ZSCAN25: variants seen among roughly 807,000 people sequenced by gnomAD.
ZSCAN25 encodes zinc finger and SCAN domain-containing protein 25.
In ZSCAN25, 27 loss-of-function variants were observed where a neutral mutation model predicts 38.7. The ratio of observed to expected loss-of-function variants is 0.70; its 90% CI spans 0.51 to 0.96. The LOEUF (loss-of-function observed/expected upper bound fraction) is 0.96. Among genes scored for constraint, ZSCAN25 ranks in the 40% least tolerant of loss-of-function variants. The pLI is 0.00. For synonymous variants in ZSCAN25, 273 were observed against 277.7 expected (o/e 0.98, Z 0.17); for missense variants, 637 against 705.9 (o/e 0.90, Z 1.11).
At chr7:99,681,215 C>G in the ZSCAN25 span, among the ~76,000 whole-genome samples, 1 of 152,180 alleles carries the variant, frequency 6.6e-6, no homozygotes, top group East Asian at 1.9e-4. Flanking sequence ...TTGATGGACA[C>G]TTAGGTTGCT....
chr7:99,640,374 T>G, the ZSCAN25 span, among the ~76,000 whole-genome samples: 1 of 152,146 alleles, frequency 6.6e-6, no homozygotes, highest in Non-Finnish European at 1.5e-5. Flanking sequence ...GTCAGGCTGG[T>G]CTTGAACTCC....
chr7:99,621,833 A>C (rs986418800), intron 5 of ZSCAN25: 4 of 338,716 alleles, frequency 1.2e-5, no homozygotes, highest in African/African-American at 6.3e-5. Flanking sequence ...TCCCTTCTAG[A>C]AACTACCAAG....
chr7:99,622,339 G>A, intron 5 of ZSCAN25: 1 of 599,660 alleles, frequency 1.7e-6, no homozygotes, highest in Non-Finnish European at 3.0e-6. Flanking sequence ...GCTGAGAACA[G>A]GAGACACCCA....
At chr7:99,676,113 A>G in the ZSCAN25 span, 2 of 1,613,166 alleles carry the variant, frequency 1.2e-6, no homozygotes, top group South Asian at 2.2e-5. Context: ...CAAGCAACTC[A>G]CCTGACGATA....
the ZSCAN25 span, among the ~76,000 whole-genome samples, chr7:99,723,559 C>T: frequency 6.6e-6 from 1 of 152,176 alleles, no homozygotes; most frequent in African/African-American, 2.4e-5. Flanking sequence ...GGTCTCTTCA[C>T]ATGGACGCAA....
At chr7:99,660,670 A>C in the ZSCAN25 span, 1 of 1,613,332 alleles carries the variant, frequency 6.2e-7, no homozygotes, top group Non-Finnish European at 8.5e-7. Flanking sequence ...CTGAAAGGAG[A>C]GGAAAGACAT....
the ZSCAN25 span, chr7:99,648,415 C>G: frequency 6.5e-7 from 1 of 1,529,716 alleles, no homozygotes; most frequent in South Asian, 1.1e-5. Flanking sequence ...AATAGTTAAA[C>G]AAGCATATGG....
chr7:99,654,507 G>T, the ZSCAN25 span, among the ~76,000 whole-genome samples: 3 of 152,210 alleles, frequency 2.0e-5, no homozygotes, highest in South Asian at 6.2e-4. Flanking sequence ...TTGGTTCCAA[G>T]TCTTTGCTAT....
the ZSCAN25 span, among the ~76,000 whole-genome samples, chr7:99,713,229 T>A: frequency 6.6e-6 from 1 of 152,208 alleles, no homozygotes; most frequent in Non-Finnish European, 1.5e-5. Context: ...ATCCACAGAC[T>A]GCTGACTCTT....
Position 99,632,219 on chromosome 7 carries a change from A to AG in ZSCAN25, c.*2200dup, listed in dbSNP as rs1215807243. ...GGACAGTGTCTCAGAAAAGCCTCTA[A>AG]GTAGGGGGTTTTTCCCATGGGATTG... On this transcript the variant is annotated 3_prime_UTR_variant, in exon 8 of 8. Transcript: ENST00000394152. 7.1e-6 allele frequency: 7 copies of AG among 985,236 alleles called. No homozygotes were observed. In the African/African-American group the frequency reaches 1.2e-4, roughly 17 times the overall value. The allele number at this position is 985,236 out of a possible 1,614,324, so 61.0% of individuals were successfully genotyped here. A position where few individuals can be genotyped will look rare whatever the true frequency, so the allele number is the denominator to read the frequency against.
rs779166973 is a variant in ZSCAN25, at chr7:99,621,591, T to C, written c.589+17T>C. 7.2e-6 allele frequency: 10 copies of C among 1,385,012 alleles called. No homozygotes were observed. In the South Asian group the frequency reaches 1.4e-4, roughly 20 times the overall value. The allele number at this position is 1,385,012 out of a possible 1,614,324, so 85.8% of individuals were successfully genotyped here. ...AGGAGCAAGGTGAGTAAGACGCAGA[T>C]AGTGGGGATGTCAGGTCATAGGAAA... On this transcript the variant is annotated intron_variant, in intron 5 of 7. Transcript: ENST00000394152.
At chr7:99,636,197 C>A (rs1808277803), downstream of ZSCAN25, among the ~76,000 whole-genome samples, 2 of 151,952 alleles carry the variant, frequency 1.3e-5, no homozygotes, top group Admixed American at 1.3e-4. Context: ...AAAATGCAAT[C>A]ATTTAAAACA....
chr7:99,642,318 A>G, the ZSCAN25 span, among the ~76,000 whole-genome samples: 2 of 152,218 alleles, frequency 1.3e-5, no homozygotes, highest in Non-Finnish European at 2.9e-5. Context: ...GATAGGTGGG[A>G]TGCTTGCCCT....
At chr7:99,688,399 C>A in the ZSCAN25 span, among the ~76,000 whole-genome samples, 1 of 152,000 alleles carries the variant, frequency 6.6e-6, no homozygotes. Context: ...AGACTTTAAA[C>A]CAACAAAGAT....
chr7:99,632,035 T>A lies in ZSCAN25; in HGVS notation c.*2015T>A, dbSNP rs150600952. On this transcript the variant is annotated 3_prime_UTR_variant, in exon 8 of 8. Coordinates refer to ENST00000394152, the MANE Select transcript of ZSCAN25 (RefSeq NM_145115.3). ...GGGGACTGGGGAGGCCTCGGGGGGC[T>A]GCTTGTCATTACCTGAATCACAGAT... The A allele has an allele frequency of 9.1e-6, 9 of 985,490 alleles. 1 individual carries two copies. The East Asian group carries it at 1.0e-3, about 112-fold the overall frequency. The allele number at this position is 985,490 out of a possible 1,614,324, so 61.0% of individuals were successfully genotyped here.
At position 99,619,913 on chromosome 7, in the gene ZSCAN25, C is replaced by T. The variant is rs145815306; in HGVS notation, c.307C>T (p.Arg103Trp). 3,015 of 1,614,222 alleles carry T rather than the reference C, an allele frequency of 1.9e-3. 4 individuals are homozygous for T. The highest frequency in any genetic ancestry group is 3.8e-3 in the East Asian group (170 of 44,882). Reference sequence around the variant, plus strand: ...GCCCCGCGAGTTCTACGCCTGGATCCGGGAGCATGGCCCAGAGAGTGGCAA... The same window carrying T: ...GCCCCGCGAGTTCTACGCCTGGATCTGGGAGCATGGCCCAGAGAGTGGCAA... ...ILPREFYAWIREHGPESGKAL... is the reference protein window; with the variant it reads ...ILPREFYAWIWEHGPESGKAL... The change falls in exon 4 of 8, where the codon CGG becomes TGG. Residue 103 changes from arginine to tryptophan, a missense_variant. Physicochemically the swap from Arg to Trp is moderately radical, Grantham distance 101. Coordinates refer to ENST00000394152, the MANE Select transcript of ZSCAN25 (RefSeq NM_145115.3).
chr7:99,660,465 C>T, the ZSCAN25 span: 23 of 1,569,440 alleles, frequency 1.5e-5, no homozygotes, highest in Non-Finnish European at 1.9e-5. Flanking sequence ...AAGGCTTCAC[C>T]TCTTCCCTTC....
the ZSCAN25 span, among the ~76,000 whole-genome samples, chr7:99,692,281 C>T: frequency 6.6e-6 from 1 of 152,326 alleles, no homozygotes; most frequent in Non-Finnish European, 1.5e-5. Flanking sequence ...GTCTGGTGGA[C>T]TTCCCTTTGT....
At chr7:99,623,909 C>A in intron 6 of ZSCAN25, 148 bp from the exon 7 acceptor site, 1 of 1,113,364 alleles carries the variant, frequency 9.0e-7, no homozygotes, top group Non-Finnish European at 1.3e-6. Flanking sequence ...GCCACAGAGG[C>A]TCACAACTGC....
Sources: allele counts gnomAD v4.1 joint callset (sites outside exome capture counted in the v4.1 genomes callset), GRCh38; gene constraint gnomAD v4.1.1; transcripts MANE v1.5; gene names NCBI Gene and HGNC (gene_info 2026-07-23, HGNC 2026-07-21).